The following KCNJ16 variants were observed in gnomAD, a reference collection of about 807,000 sequenced individuals.
KCNJ16 encodes potassium inwardly rectifying channel subfamily J member 16, also known as inward rectifier potassium channel 16.
A neutral mutation model predicts 18.5 loss-of-function variants in KCNJ16; 15 were observed. The ratio of observed to expected loss-of-function variants is 0.81; its 90% CI spans 0.54 to 1.25. The LOEUF (loss-of-function observed/expected upper bound fraction) is 1.25, where lower values mean the gene tolerates loss of function less well. Ranked by LOEUF, KCNJ16 falls within the 50% of genes most tolerant of loss-of-function variation. KCNJ16 has a pLI of 0.00. For missense variants in KCNJ16, 523 were observed against 525.7 expected, an observed-to-expected ratio of 0.99 and a Z score of 0.05; for synonymous variants, 174 against 186.5, an observed-to-expected ratio of 0.93 and a Z score of 0.55.
chr17:70,088,126 G>T (rs1361806250), intron 1 of KCNJ16, among the ~76,000 whole-genome samples: 2 of 151,890 alleles, frequency 1.3e-5, no homozygotes, highest in African/African-American at 4.8e-5. Flanking sequence ...TTTCAAATTG[G>T]ATCAACGATA....
intron 2 of KCNJ16, among the ~76,000 whole-genome samples, chr17:70,111,051 C>A (rs2144003721): frequency 6.6e-6 from 1 of 152,220 alleles, no homozygotes; most frequent in Non-Finnish European, 1.5e-5. Flanking sequence ...TTCACTACAA[C>A]CCTGGTGTCT....
chr17:70,095,811 C>A (rs8074582), intron 1 of KCNJ16, among the ~76,000 whole-genome samples: 127,185 of 149,794 alleles, frequency 0.85, 54,006 homozygotes, highest in East Asian at 0.96. Context: ...AAACTTGGGT[C>A]AAGATCCCTT....
chr17:70,091,273 AAAATT>A (rs1374970891), intron 1 of KCNJ16, among the ~76,000 whole-genome samples: 3 of 152,312 alleles, frequency 2.0e-5, no homozygotes, highest in Non-Finnish European at 4.4e-5. Flanking sequence ...TAACTAAAAT[AAAATT>A]GAAGTCAAAA....
At chr17:70,085,679 T>C (rs1383961986) in intron 1 of KCNJ16, among the ~76,000 whole-genome samples, 1 of 152,220 alleles carries the variant, frequency 6.6e-6, no homozygotes, top group East Asian at 1.9e-4. Context: ...AATTCTGCTC[T>C]ATGCCTCTGA....
At chr17:70,128,811 G>A (rs955021885) in intron 2 of KCNJ16, 2 of 152,264 alleles carry the variant, frequency 1.3e-5, no homozygotes, top group Non-Finnish European at 2.9e-5. Flanking sequence ...ACAAGGCGGT[G>A]TGGAGCAACA....
chr17:70,081,766 T>G (rs928204279), intron 1 of KCNJ16, among the ~76,000 whole-genome samples: 7 of 151,748 alleles, frequency 4.6e-5, no homozygotes, highest in Admixed American at 4.6e-4. Flanking sequence ...AAGTCCAAAA[T>G]TGTGTCCTTG....
At chr17:70,087,841 T>A (rs895685606) in intron 1 of KCNJ16, among the ~76,000 whole-genome samples, 3 of 151,848 alleles carry the variant, frequency 2.0e-5, no homozygotes, top group African/African-American at 7.3e-5. Context: ...AAAACAAGAA[T>A]AAGAAAAATA....
At position 70,132,383 on chromosome 17, in the gene KCNJ16, A is replaced by G. The variant is rs748198528; in HGVS notation, c.296A>G (p.His99Arg). ...GTCTTTTGGCTCATAGCCTTTCATC[A>G]TGGCGATCTATTAAATGATCCAGAC... ...GSVFWLIAFH[H>R]GDLLNDPDIT... The change falls in exon 4 of 4, where the codon CAT (histidine) becomes CGT (arginine). Residue 99 changes from histidine to arginine, a missense_variant. Transcript: ENST00000392671. 1.9e-6 allele frequency: 3 copies of G among 1,614,012 alleles called. No homozygotes were observed. The highest frequency in any genetic ancestry group is 3.3e-5 in the Admixed American group (2 of 60,002).
At chr17:70,124,662 C>A (rs1325998584) in intron 2 of KCNJ16, among the ~76,000 whole-genome samples, 2 of 152,084 alleles carry the variant, frequency 1.3e-5, no homozygotes, top group African/African-American at 4.8e-5. Flanking sequence ...CAGGGATGGG[C>A]AGACTGATTT....
At chr17:70,129,652 A>G (rs1049809109) in intron 2 of KCNJ16, among the ~76,000 whole-genome samples, 2 of 152,228 alleles carry the variant, frequency 1.3e-5, no homozygotes, top group East Asian at 1.9e-4. Context: ...AATGATCACA[A>G]TAATGAACCA....
chr17:70,085,214 C>T (rs946533037), intron 1 of KCNJ16, among the ~76,000 whole-genome samples: 1 of 152,148 alleles, frequency 6.6e-6, no homozygotes, highest in Non-Finnish European at 1.5e-5. Flanking sequence ...TTTCACCTGC[C>T]AATAACAAAG....
intron 2 of KCNJ16, among the ~76,000 whole-genome samples, chr17:70,130,661 T>C (rs1202919925): frequency 6.6e-6 from 1 of 152,200 alleles, no homozygotes; most frequent in Non-Finnish European, 1.5e-5. Context: ...TATTTAGTGA[T>C]GAATTTCCCT....
At chr17:70,119,773 TAGA>T (rs2073557764) in intron 2 of KCNJ16, among the ~76,000 whole-genome samples, 1 of 152,344 alleles carries the variant, frequency 6.6e-6, no homozygotes, top group South Asian at 2.1e-4. Context: ...AGGGGTTTTC[TAGA>T]AGATTTCTAA....
chr17:70,116,731 C>T (rs996947990), intron 2 of KCNJ16, among the ~76,000 whole-genome samples: 4 of 152,006 alleles, frequency 2.6e-5, no homozygotes, highest in South Asian at 2.1e-4. Context: ...ATCAGAGAAA[C>T]GCAAATCTAA....
At chr17:70,117,168 G>A (rs932737104) in intron 2 of KCNJ16, among the ~76,000 whole-genome samples, 1 of 152,164 alleles carries the variant, frequency 6.6e-6, no homozygotes, top group African/African-American at 2.4e-5. Context: ...TTACGTAGCT[G>A]AAGGCCATTA....
chr17:70,106,307 C>T (rs2072923350), intron 2 of KCNJ16, among the ~76,000 whole-genome samples: 1 of 152,052 alleles, frequency 6.6e-6, no homozygotes, highest in African/African-American at 2.4e-5. Flanking sequence ...TGTGACCTTC[C>T]CCCAAATTAC....
At chr17:70,104,272 G>C (rs1391857519) in intron 2 of KCNJ16, among the ~76,000 whole-genome samples, 1 of 152,136 alleles carries the variant, frequency 6.6e-6, no homozygotes, top group Non-Finnish European at 1.5e-5. Context: ...GGCAAGTAAT[G>C]CTTCTTTACA....
chr17:70,097,790 T>C (rs1405012197), intron 1 of KCNJ16, among the ~76,000 whole-genome samples: 1 of 152,158 alleles, frequency 6.6e-6, no homozygotes, highest in Admixed American at 6.5e-5. Flanking sequence ...CCCATCCTTC[T>C]ACTCTGCTCC....
intron 2 of KCNJ16, among the ~76,000 whole-genome samples, chr17:70,117,653 T>TA (rs575586502): frequency 6.8e-4 from 104 of 152,278 alleles, no homozygotes; most frequent in Non-Finnish European, 1.2e-3. Flanking sequence ...CTAACTCTCT[T>TA]ATGAGTGATG....
Sources: allele counts gnomAD v4.1 joint callset (sites outside exome capture counted in the v4.1 genomes callset), GRCh38; gene constraint gnomAD v4.1.1; transcripts MANE v1.5; gene names NCBI Gene and HGNC (gene_info 2026-07-23, HGNC 2026-07-21).